WDFY4: variants seen among roughly 807,000 people sequenced by gnomAD.
The protein encoded by WDFY4 is WD repeat- and FYVE domain-containing protein 4.
A neutral mutation model predicts 351.9 loss-of-function variants in WDFY4; 169 were observed. The observed-to-expected ratio is 0.48, with a 90% CI of 0.42 to 0.55. WDFY4 has a LOEUF of 0.55. WDFY4 is among the 20% of genes least tolerant of loss of function. WDFY4 has a pLI of 0.00. For missense variants in WDFY4, 3,803 were observed against 3,935.6 expected, an observed-to-expected ratio of 0.97 and a Z score of 0.90; for synonymous variants, 1,622 against 1,574.6, an observed-to-expected ratio of 1.03 and a Z score of -0.71.
chr10:48,816,296 C>T (rs991427947), intron 31 of WDFY4, among the ~76,000 whole-genome samples: 1 of 152,158 alleles, frequency 6.6e-6, no homozygotes, highest in African/African-American at 2.4e-5. Flanking sequence ...CTCTTGGGTA[C>T]ATTTATCAGT....
intron 39 of WDFY4, among the ~76,000 whole-genome samples, chr10:48,854,262 C>T (rs1437459677): frequency 6.6e-6 from 1 of 152,014 alleles, no homozygotes; most frequent in African/African-American, 2.4e-5. Context: ...GTGTACACCA[C>T]CATGCCCAGC....
intron 51 of WDFY4, among the ~76,000 whole-genome samples, chr10:48,956,812 G>C (rs1455587756): frequency 6.6e-6 from 1 of 152,220 alleles, no homozygotes; most frequent in African/African-American, 2.4e-5. Context: ...GCCCTCTGCA[G>C]TCTTGGAAGT....
intron 12 of WDFY4, among the ~76,000 whole-genome samples, chr10:48,748,117 T>C (rs79065941): frequency 0.033 from 4,994 of 152,304 alleles, 300 homozygotes; most frequent in African/African-American, 0.11. Flanking sequence ...CCTGATAACA[T>C]ACAGGTTAAC....
intron 48 of WDFY4, among the ~76,000 whole-genome samples, chr10:48,942,273 A>G (rs1419059510): frequency 1.3e-5 from 2 of 152,074 alleles, no homozygotes; most frequent in Admixed American, 1.3e-4. Flanking sequence ...CTGGGATCTT[A>G]TTTTTCTAAT....
At chr10:48,686,671 G>T (rs2063059603) in intron 1 of WDFY4, among the ~76,000 whole-genome samples, 1 of 152,120 alleles carries the variant, frequency 6.6e-6, no homozygotes, top group Non-Finnish European at 1.5e-5. Flanking sequence ...TCTTCATATT[G>T]TTGCATGTAC....
intron 13 of WDFY4, 69 bp downstream of exon 13, chr10:48,760,509 A>G (rs538811779): frequency 6.7e-7 from 1 of 1,482,134 alleles, no homozygotes; most frequent in Admixed American, 2.0e-5. Context: ...CTTCTGACCC[A>G]AGACAGCTTT....
At chr10:48,729,170 A>T (rs1055570916) in intron 7 of WDFY4, among the ~76,000 whole-genome samples, 1 of 152,258 alleles carries the variant, frequency 6.6e-6, no homozygotes, top group Non-Finnish European at 1.5e-5. Context: ...TTGGAGGTTC[A>T]GTCATGGAAA....
At chr10:48,834,188 G>A (rs1365012244) in intron 39 of WDFY4, among the ~76,000 whole-genome samples, 4 of 152,180 alleles carry the variant, frequency 2.6e-5, no homozygotes, top group Non-Finnish European at 5.9e-5. Context: ...ATACGTGAAT[G>A]TGTGAGTAAC....
chr10:48,794,683 T>G (rs1473972674), intron 23 of WDFY4, among the ~76,000 whole-genome samples: 1 of 152,108 alleles, frequency 6.6e-6, no homozygotes, highest in Non-Finnish European at 1.5e-5. Flanking sequence ...TCAAAGACAG[T>G]TATGTCAAGG....
chr10:48,777,802 G>A (rs574698676), intron 17 of WDFY4, among the ~76,000 whole-genome samples: 23 of 152,332 alleles, frequency 1.5e-4, no homozygotes, highest in Admixed American at 4.6e-4. Flanking sequence ...ATCTGCAGAT[G>A]AGTTGTTCTT....
chr10:48,797,678 T>C (rs2066920672), intron 24 of WDFY4, among the ~76,000 whole-genome samples: 1 of 152,228 alleles, frequency 6.6e-6, no homozygotes, highest in African/African-American at 2.4e-5. Context: ...ATTTCTCTAT[T>C]GCCAAATTTT....
chr10:48,976,338 AC>A (rs1842566664), intron 58 of WDFY4, among the ~76,000 whole-genome samples: 1 of 152,222 alleles, frequency 6.6e-6, no homozygotes, highest in Non-Finnish European at 1.5e-5. Context: ...CTCTTCAGGG[AC>A]ATTGCACAAG....
chr10:48,731,674 C>A, intron 9 of WDFY4, 112 bp downstream of exon 9: 1 of 1,246,202 alleles, frequency 8.0e-7, no homozygotes, highest in Non-Finnish European at 1.1e-6. Context: ...ATGCCCATGT[C>A]ACTGGGAAGG....
At chr10:48,716,108 A>G (rs1173073865) in intron 2 of WDFY4, among the ~76,000 whole-genome samples, 1 of 149,610 alleles carries the variant, frequency 6.7e-6, no homozygotes, top group Non-Finnish European at 1.5e-5. Flanking sequence ...TTGATGCGCC[A>G]TTTTTTTTTC....
chr10:48,703,427 A>G (rs558463574), intron 1 of WDFY4, among the ~76,000 whole-genome samples: 63 of 152,344 alleles, frequency 4.1e-4, no homozygotes, highest in African/African-American at 1.4e-3. Flanking sequence ...CAGTTTCTGC[A>G]CCTGGAGTTT....
chr10:48,950,045 G>C (rs190053695), intron 51 of WDFY4, among the ~76,000 whole-genome samples: 7 of 152,242 alleles, frequency 4.6e-5, no homozygotes, highest in African/African-American at 1.7e-4. Context: ...TGGAAAATAT[G>C]CATAATAAGA....
intron 38 of WDFY4, among the ~76,000 whole-genome samples, chr10:48,831,122 G>A (rs1469748801): frequency 2.6e-5 from 4 of 152,200 alleles, no homozygotes; most frequent in South Asian, 2.1e-4. Flanking sequence ...GAAGATTCCA[G>A]TAATTTCTTA....
intron 47 of WDFY4, among the ~76,000 whole-genome samples, chr10:48,938,313 C>T (rs761656411): frequency 3.3e-5 from 5 of 152,254 alleles, no homozygotes; most frequent in Non-Finnish European, 5.9e-5. Context: ...ATTAGGGCTA[C>T]ACCTAGCCTC....
At chr10:48,712,662 G>A (rs1030055161) in intron 2 of WDFY4, among the ~76,000 whole-genome samples, 16 of 152,190 alleles carry the variant, frequency 1.1e-4, no homozygotes, top group South Asian at 6.2e-4. Flanking sequence ...TTTCTCAGGT[G>A]TAGTGCAGAT....
Sources: gnomAD v4.1 joint callset for allele counts (sites outside exome capture counted in the v4.1 genomes callset) on GRCh38, gnomAD v4.1.1 for gene constraint, MANE v1.5 for transcripts, NCBI Gene and HGNC (gene_info 2026-07-23, HGNC 2026-07-21) for gene names.